The following TSC2 variants were observed in gnomAD, a reference collection of about 807,000 sequenced individuals.
The protein encoded by TSC2 is tuberin.
TSC2 carries 29 observed loss-of-function variants against 202.2 expected under a neutral mutation model. The observed-to-expected ratio is 0.14, with a 90% CI of 0.11 to 0.20. TSC2 has a LOEUF of 0.20. Ranked by LOEUF, TSC2 falls within the 10% of genes least tolerant of loss-of-function variation. The pLI is 1.00. For synonymous variants in TSC2, 1,349 were observed against 1,044.0 expected (o/e 1.29, Z -5.63); for missense variants, 2,429 against 2,420.0 (o/e 1.00, Z -0.08).
In TSC2 at chr16:2,085,038, C is replaced by G. The variant is rs45517350; in HGVS notation, c.4569+12C>G. Reference sequence around the variant, plus strand: ...TGCTGCCCAATGAGGTAGGCGTGGCCTCCCTCTCCTGCATCCGCTGGAGCT... The same window carrying G: ...TGCTGCCCAATGAGGTAGGCGTGGCGTCCCTCTCCTGCATCCGCTGGAGCT... On this transcript the variant is annotated intron_variant, in intron 35 of 41. Transcript: ENST00000219476. The G allele has an allele frequency of 6.2e-7, 1 of 1,613,128 alleles. No homozygotes were observed. The highest frequency in any genetic ancestry group is 1.7e-5 in the Admixed American group (1 of 60,022).
chr16:2,079,303 G>A lies in TSC2; in HGVS notation c.3159G>A (p.Ala1053=), dbSNP rs765689518. ...KRSPVGEFLL[A]GGRTKTWLVG... ...CTCCTGTGGGCGAGTTCCTCCTAGC[G>A]GGTGGCAGGACCAAAACCTGGCTGG... is the stretch of plus-strand genomic sequence containing the variant. Residue 1053 remains alanine (A), a synonymous_variant, in exon 28 of 42, where the codon GCG becomes GCA. Coordinates refer to ENST00000219476, the MANE Select transcript of TSC2 (RefSeq NM_000548.5). The surrounding 1 kb of genome is among the most constrained non-coding windows in gnomAD (Gnocchi z 4.6). 39 of 1,612,906 alleles carry A rather than the reference G, an allele frequency of 2.4e-5. No individual in the cohort carries two copies. Among genetic ancestry groups the A allele is most frequent in the Non-Finnish European group, 3.1e-5 (36 of 1,180,028 alleles).
In TSC2 at chr16:2,056,326, C is replaced by T. The variant is rs1030822016; in HGVS notation, c.648+82C>T. 13 of 1,573,022 alleles carry T rather than the reference C, an allele frequency of 8.3e-6. No homozygotes were observed. In the Admixed American group the frequency reaches 1.5e-4, roughly 19 times the overall value. On this transcript the variant is annotated intron_variant, in intron 7 of 41. Transcript: ENST00000219476. ...GGGCTTGGGGGTTGAGCCCTGTGTG[C>T]CACCTGCTGGCTGTGTAGCCCTGGG...
In TSC2 at chr16:2,088,794, C is replaced by CAGA. The variant is rs2091255572; in HGVS notation, c.*187_*189dup. ...GAGGCTCTAGAAGCGGCCATGCCCA[C>CAGA]AGAAGTGGTACACAGAAGCAGGCAC... On this transcript the variant is annotated 3_prime_UTR_variant, in exon 42 of 42. Transcript: ENST00000219476. 1.2e-6 allele frequency: 1 copy of CAGA among 805,300 alleles called. No homozygotes were observed. The highest frequency in any genetic ancestry group is 2.7e-5 in the East Asian group (1 of 37,034). The allele number at this position is 805,300 out of a possible 1,614,324, so 49.9% of individuals were successfully genotyped here.
At chr16:2,076,768 G>C in intron 25 of TSC2, 183 bp downstream of exon 25, 1 of 651,912 alleles carries the variant, frequency 1.5e-6, no homozygotes, top group Admixed American at 2.6e-5. Context: ...CAGGTTGGCC[G>C]TGGTGGCCTG....
chr16:2,053,398 G>T lies in TSC2; in HGVS notation c.282G>T (p.Pro94=), dbSNP rs145624233. Residue 94 remains proline (P), a synonymous_variant, in exon 4 of 42, where the codon CCG becomes CCT. Transcript: ENST00000219476. The part of the protein sequence containing the change: ...AVADLLQPER[P]LEARHAVLAL... ...CGGATCTGTTGCAGCCGGAGCGGCC[G>T]CTGGAGGCCCGGCACGCGGTGCTGG... 1 of 1,592,234 alleles carries T rather than the reference G, an allele frequency of 6.3e-7. No homozygotes were observed. Among genetic ancestry groups the T allele is most frequent in the Non-Finnish European group, 8.5e-7 (1 of 1,170,388 alleles).
chr16:2,058,542 G>C (rs1419602434), intron 9 of TSC2, among the ~76,000 whole-genome samples: 1 of 152,262 alleles, frequency 6.6e-6, no homozygotes, highest in East Asian at 1.9e-4. Flanking sequence ...GTGGTCAGCA[G>C]TGATGGGCTG....
chr16:2,077,189 GA>G (rs2089510357), intron 25 of TSC2, among the ~76,000 whole-genome samples: 1 of 152,178 alleles, frequency 6.6e-6, no homozygotes, highest in Non-Finnish European at 1.5e-5. Context: ...TTTTCCTAGT[GA>G]CCTTCAGGGC....
intron 25 of TSC2, 104 bp downstream of exon 25, chr16:2,076,689 C>A: frequency 8.6e-7 from 1 of 1,167,886 alleles, no homozygotes; most frequent in Non-Finnish European, 1.2e-6. Context: ...GAAATGGGTC[C>A]TGTGTGCCCT....
intron 4 of TSC2, 89 bp downstream of exon 4, chr16:2,053,541 C>A: frequency 7.6e-7 from 1 of 1,315,386 alleles, no homozygotes; most frequent in Non-Finnish European, 1.1e-6. Context: ...ACTCCTGCCT[C>A]GGTGAGTTGC....
At chr16:2,073,668 A>G (rs1465263436) in intron 21 of TSC2, among the ~76,000 whole-genome samples, 2 of 152,080 alleles carry the variant, frequency 1.3e-5, no homozygotes, top group African/African-American at 4.8e-5. Flanking sequence ...CTGGGTCCTC[A>G]TGGGTCTTGC....
Position 2,081,677 on chromosome 16 carries a change from G to T in TSC2, c.3693G>T (p.Leu1231=). 1 of 1,613,006 alleles carries T rather than the reference G, an allele frequency of 6.2e-7. No homozygotes were observed. The highest frequency in any genetic ancestry group is 8.5e-7 in the Non-Finnish European group (1 of 1,180,008). Residue 1231 remains leucine, a synonymous_variant, in exon 31 of 42, where the codon CTG becomes CTT. Transcript: ENST00000219476. The part of the protein sequence containing the change: ...SDINNMPLQE[L]SNALMAAERF... Reference sequence around the variant, plus strand: ...TCAACAACATGCCCCTGCAGGAGCTGTCTAACGCCCTCATGGCGGCTGAGC... The same window carrying T: ...TCAACAACATGCCCCTGCAGGAGCTTTCTAACGCCCTCATGGCGGCTGAGC...
intron 38 of TSC2, chr16:2,087,155 G>T (rs926527245): frequency 2.0e-6 from 1 of 503,056 alleles, no homozygotes; most frequent in East Asian, 3.7e-5. Context: ...CTGTCTGTCC[G>T]GCGCGGCCCT....
In TSC2 at chr16:2,087,524, G is replaced by A. The variant is rs549123689; in HGVS notation, c.4990-339G>A. Among the ~76,000 whole-genome samples, 4 of 152,116 alleles carry A rather than the reference G, an allele frequency of 2.6e-5. No homozygotes were observed. In the East Asian group the frequency reaches 7.7e-4, roughly 29 times the overall value. On this transcript the variant is annotated intron_variant, in intron 38 of 41. Coordinates refer to ENST00000219476, the MANE Select transcript of TSC2 (RefSeq NM_000548.5). ...CACCTGGGCGGCTGAGGAGGGTGTGGTGGTGCCGAGATGGGGTGCACGGCT... is the reference window on the plus strand; with the variant it reads ...CACCTGGGCGGCTGAGGAGGGTGTGATGGTGCCGAGATGGGGTGCACGGCT...
chr16:2,079,656 C>G lies in TSC2; in HGVS notation c.3384C>G (p.Val1128=). 1 of 1,597,710 alleles carries G rather than the reference C, an allele frequency of 6.3e-7. No homozygotes were observed. The highest frequency in any genetic ancestry group is 8.5e-7 in the Non-Finnish European group (1 of 1,173,360). ...TGTCCCGTGGGGCCCGGGATCGGGTCCGTTCCATGTCGGGTGAGCCTTGGC... is the reference window on the plus strand; with the variant it reads ...TGTCCCGTGGGGCCCGGGATCGGGTGCGTTCCATGTCGGGTGAGCCTTGGC... ...QQVSRGARDR[V]RSMSGGHGLR... The change falls in exon 29 of 42, where the codon GTC becomes GTG. Residue 1128 remains valine (V), a synonymous_variant. Coordinates refer to ENST00000219476, the MANE Select transcript of TSC2 (RefSeq NM_000548.5). The surrounding 1 kb of genome is among the most constrained non-coding windows in gnomAD (Gnocchi z 4.6).
intron 25 of TSC2, among the ~76,000 whole-genome samples, chr16:2,077,111 A>G (rs1715815981): frequency 1.3e-5 from 2 of 152,220 alleles, no homozygotes; most frequent in Admixed American, 6.5e-5. Flanking sequence ...TGTTGTCTCC[A>G]GCCCCTGGGG....
intron 4 of TSC2, chr16:2,053,703 A>C (rs1450852445): frequency 1.6e-6 from 1 of 639,200 alleles, no homozygotes; most frequent in Admixed American, 2.1e-5. Context: ...TCTGGGGATC[A>C]TATGAGGCAG....
rs1596422510 is a variant in TSC2 at position 2,084,981 on chromosome 16, C to T, written c.4524C>T (p.Pro1508=). The part of the protein sequence containing the change: ...SFVFLQLYHS[P]FFGDESNKPI... ...TGTTCCTGCAGCTCTACCATTCCCC[C>T]TTCTTTGGCGACGAGTCAAACAAGC... The change falls in exon 35 of 42, where the codon CCC becomes CCT. Residue 1508 remains proline (P), a synonymous_variant. Coordinates refer to ENST00000219476, the MANE Select transcript of TSC2 (RefSeq NM_000548.5). 1 of 1,596,684 alleles carries T rather than the reference C, an allele frequency of 6.3e-7. No individual in the cohort carries two copies. Among genetic ancestry groups the T allele is most frequent in the Non-Finnish European group, 8.6e-7 (1 of 1,168,942 alleles).
rs2151523920 is a variant in TSC2 at position 2,084,343 on chromosome 16, T to G, written c.4121T>G (p.Leu1374Arg). The change falls in exon 34 of 42, where the codon CTC becomes CGC. Residue 1374 changes from leucine to arginine, a missense_variant. By Grantham distance (102) the Leu-to-Arg change is moderately radical (BLOSUM62 -2). Coordinates refer to ENST00000219476, the MANE Select transcript of TSC2 (RefSeq NM_000548.5). ...SSEGGRPSVDLSFQPSQPLSK... is the reference protein window; with the variant it reads ...SSEGGRPSVDRSFQPSQPLSK... The stretch of plus-strand genomic sequence containing the variant: ...GAGGGTGGCCGGCCCTCTGTGGACC[T>G]CTCCTTCCAGCCCTCGCAGCCCCTG... 2 of 1,612,706 alleles carry G rather than the reference T, an allele frequency of 1.2e-6. No individual in the cohort carries two copies. The highest frequency in any genetic ancestry group is 2.2e-5 in the South Asian group (2 of 91,076).
At chr16:2,055,007 G>C in intron 5 of TSC2, 1 of 357,324 alleles carries the variant, frequency 2.8e-6, no homozygotes, top group Non-Finnish European at 5.4e-6. Flanking sequence ...TTTCCTGTCT[G>C]AGGTGACGTG....
Sources: allele counts gnomAD v4.1 joint callset (sites outside exome capture counted in the v4.1 genomes callset), GRCh38; gene constraint gnomAD v4.1.1; non-coding constraint Gnocchi (gnomAD v3.1); transcripts MANE v1.5; gene names NCBI Gene and HGNC (gene_info 2026-07-23, HGNC 2026-07-21).